ZFHX3: variants seen among roughly 807,000 people sequenced by gnomAD.
The protein encoded by ZFHX3 is zinc finger homeobox protein 3.
ZFHX3 carries 42 observed loss-of-function variants against 279.1 expected under a neutral mutation model. The ratio of observed to expected loss-of-function variants is 0.15; its 90% CI spans 0.12 to 0.19. The LOEUF is 0.19. Among genes scored for constraint, ZFHX3 ranks in the 10% least tolerant of loss-of-function variants. The pLI is 1.00. For synonymous variants in ZFHX3, 2,293 were observed against 1,957.8 expected (o/e 1.17, Z -4.52); for missense variants, 4,981 against 4,754.0 (o/e 1.05, Z -1.40).
chr16:73,331,311 A>G (rs2015799595), intron 3 of ZFHX3, among the ~76,000 whole-genome samples: 1 of 152,240 alleles, frequency 6.6e-6, no homozygotes, highest in East Asian at 1.9e-4. Context: ...TATGGGAACT[A>G]CAATTCAAGA....
intron 3 of ZFHX3, among the ~76,000 whole-genome samples, chr16:73,381,739 T>C (rs951000739): frequency 2.6e-5 from 4 of 152,142 alleles, no homozygotes; most frequent in African/African-American, 9.7e-5. Context: ...AAACATATAC[T>C]AACAATAACA....
At chr16:73,412,911 GA>G (rs2017499064) in intron 3 of ZFHX3, among the ~76,000 whole-genome samples, 1 of 152,180 alleles carries the variant, frequency 6.6e-6, no homozygotes, top group South Asian at 2.1e-4. Context: ...CTACGCTGTT[GA>G]AGAGCAATAA....
intron 1 of ZFHX3, among the ~76,000 whole-genome samples, chr16:72,990,165 G>T (rs1010052435): frequency 6.6e-6 from 1 of 152,174 alleles, no homozygotes; most frequent in African/African-American, 2.4e-5. Context: ...ACTGCAGGAG[G>T]GTGGGGAAGG....
At chr16:73,111,963 T>TG (rs1017987881) in intron 7 of ZFHX3, among the ~76,000 whole-genome samples, 11 of 152,100 alleles carry the variant, frequency 7.2e-5, no homozygotes, top group African/African-American at 2.7e-4. Flanking sequence ...CAAAGCCCAC[T>TG]GACCGTCCTC....
At chr16:73,745,681 C>G in intron 1 of ZFHX3, among the ~76,000 whole-genome samples, 1 of 152,164 alleles carries the variant, frequency 6.6e-6, no homozygotes. Context: ...TTACCATGAA[C>G]ATGCCCTATG....
intron 4 of ZFHX3, among the ~76,000 whole-genome samples, chr16:73,314,330 T>C (rs563852260): frequency 2.0e-5 from 3 of 152,336 alleles, no homozygotes; most frequent in South Asian, 2.1e-4. Flanking sequence ...TACTCACTCC[T>C]TGTGAACCAG....
chr16:73,745,184 G>C (rs1226994754), intron 1 of ZFHX3, among the ~76,000 whole-genome samples: 2 of 152,114 alleles, frequency 1.3e-5, no homozygotes, highest in Admixed American at 6.5e-5. Context: ...TATGTTTCTT[G>C]ATATTTGAGA....
intron 3 of ZFHX3, among the ~76,000 whole-genome samples, chr16:72,891,662 A>G (rs2144085399): frequency 6.6e-6 from 1 of 152,344 alleles, no homozygotes; most frequent in Middle Eastern, 3.4e-3. Context: ...GAGATGTAGA[A>G]GCTGAGGCTT....
In ZFHX3 at chr16:72,786,952, T is replaced by A; in HGVS notation, c.*212A>T. On this transcript the variant is annotated 3_prime_UTR_variant, in exon 10 of 10. Coordinates refer to ENST00000268489, the MANE Select transcript of ZFHX3 (RefSeq NM_006885.4). ...GTTAGGGCTTTTTTTTTTTTTTTAA[T>A]ATTAAAAGAAAAGAAAAAGACAAGA... The A allele has an allele frequency of 6.1e-6, 2 of 329,360 alleles. No individual in the cohort carries two copies. Among genetic ancestry groups the A allele is most frequent in the Admixed American group, 5.3e-5 (1 of 18,922 alleles). 20.4% of individuals were successfully genotyped at this position (329,360 alleles called of 1,614,324 possible). A position where few individuals can be genotyped will look rare whatever the true frequency, so the allele number is the denominator to read the frequency against.
intron 1 of ZFHX3, among the ~76,000 whole-genome samples, chr16:73,863,099 A>T (rs900188493): frequency 3.9e-5 from 6 of 152,218 alleles, no homozygotes; most frequent in African/African-American, 1.4e-4. Context: ...CCAGACACTC[A>T]GGAGGCTGAA....
At chr16:73,045,918 C>G (rs1965282388) in intron 1 of ZFHX3, among the ~76,000 whole-genome samples, 1 of 151,838 alleles carries the variant, frequency 6.6e-6, no homozygotes, top group African/African-American at 2.4e-5. Context: ...TAAAAGTGCT[C>G]GCTTCTGCAT....
At chr16:73,625,407 A>G (rs1306621100) in intron 2 of ZFHX3, among the ~76,000 whole-genome samples, 1 of 152,246 alleles carries the variant, frequency 6.6e-6, no homozygotes, top group Non-Finnish European at 1.5e-5. Context: ...AAGCAACCTG[A>G]ATTATCTTCA....
At chr16:72,911,920 G>C (rs934129324) in intron 3 of ZFHX3, among the ~76,000 whole-genome samples, 5 of 152,190 alleles carry the variant, frequency 3.3e-5, no homozygotes, top group African/African-American at 7.2e-5. Context: ...AGAAACAAAA[G>C]GGAATTGTAA....
intron 2 of ZFHX3, among the ~76,000 whole-genome samples, chr16:73,484,689 C>T (rs1430573657): frequency 6.6e-6 from 1 of 152,220 alleles, no homozygotes; most frequent in Non-Finnish European, 1.5e-5. Context: ...GCATTCTCTC[C>T]TTTAAAACAA....
chr16:73,172,247 C>T (rs1967546951), intron 5 of ZFHX3, among the ~76,000 whole-genome samples: 1 of 152,222 alleles, frequency 6.6e-6, no homozygotes, highest in African/African-American at 2.4e-5. Context: ...GGGCGAGGCC[C>T]GGCCTTGTCT....
chr16:73,107,960 G>A (rs1456200850), intron 7 of ZFHX3, among the ~76,000 whole-genome samples: 1 of 152,158 alleles, frequency 6.6e-6, no homozygotes, highest in Non-Finnish European at 1.5e-5. Context: ...AGGAGATCGA[G>A]ACCATCTTGG....
chr16:73,300,712 C>T (rs1461901771), intron 4 of ZFHX3, among the ~76,000 whole-genome samples: 1 of 152,154 alleles, frequency 6.6e-6, no homozygotes, highest in Non-Finnish European at 1.5e-5. Context: ...CCATGTTGGC[C>T]AGGCTGGTCT....
chr16:73,076,283 C>G (rs1965885988), intron 8 of ZFHX3, among the ~76,000 whole-genome samples: 1 of 152,168 alleles, frequency 6.6e-6, no homozygotes, highest in African/African-American at 2.4e-5. Context: ...ACTAGAGGAA[C>G]TGAAACAAAT....
In ZFHX3 at chr16:73,150,076, CT is replaced by C. The variant is rs1966903231; in HGVS notation, c.-1103-6246del. On this transcript the variant is annotated intron_variant, in intron 5 of 17. Coordinates refer to the ZFHX3 transcript ENST00000641206. ...GATTTCTTGTACCAAGCAGACGGAG[CT>C]TTTGGGGGAGTTACATTTTCCACCA... 5.3e-5 allele frequency among the ~76,000 whole-genome samples: 8 copies of C among 152,236 alleles called. 1 individual carries two copies. In the South Asian group the frequency reaches 1.7e-3, roughly 32 times the overall value.
Sources: allele counts gnomAD v4.1 joint callset (sites outside exome capture counted in the v4.1 genomes callset), GRCh38; gene constraint gnomAD v4.1.1; transcripts MANE v1.5; gene names NCBI Gene and HGNC (gene_info 2026-07-23, HGNC 2026-07-21).